Variants in FAM219A observed in about 807,000 individuals in gnomAD.
The protein encoded by FAM219A is protein FAM219A.
Under a neutral mutation model 23.4 loss-of-function variants are expected in FAM219A, and 7 were observed. The observed-to-expected ratio is 0.30, with a 90% CI of 0.17 to 0.56. The LOEUF is 0.56. Among genes scored for constraint, FAM219A ranks in the 20% least tolerant of loss-of-function variants. FAM219A has a pLI of 0.92. For synonymous variants in FAM219A, 93 were observed against 99.0 expected, an observed-to-expected ratio of 0.94 and a Z score of 0.36; for missense variants, 166 against 246.9, an observed-to-expected ratio of 0.67 and a Z score of 2.20.
chr9:34,399,722 G>A lies in FAM219A; in HGVS notation c.*1242C>T, dbSNP rs1009674758. The A allele has an allele frequency of 6.6e-6, 1 of 152,204 alleles. No individual in the cohort carries two copies. The highest frequency in any genetic ancestry group is 1.5e-5 in the Non-Finnish European group (1 of 68,052). 9.4% of individuals were successfully genotyped at this position (152,204 alleles called of 1,614,324 possible). A position where few individuals can be genotyped will look rare whatever the true frequency, so the allele number is the denominator to read the frequency against. ...TTCAGCTGCTGTTCATTTTCTAGTT[G>A]AGGAAACTGAAGACGAGAGAAAGCA... is the stretch of plus-strand genomic sequence containing the variant. On this transcript the variant is annotated 3_prime_UTR_variant, in exon 6 of 6. Coordinates refer to ENST00000651358, the MANE Select transcript of FAM219A (RefSeq NM_001184940.2).
Position 34,417,171 on chromosome 9 carries a change from TGA to T in FAM219A, c.61-11209_61-11208del, listed in dbSNP as rs1822069009. Among the ~76,000 whole-genome samples the T allele has an allele frequency of 6.6e-6, 1 of 151,216 alleles. No individual in the cohort carries two copies. The highest frequency in any genetic ancestry group is 1.5e-5 in the Non-Finnish European group (1 of 67,736). On this transcript the variant is annotated intron_variant, in intron 1 of 5. Transcript: ENST00000651358. This position sits in a 1 kb window ranked among gnomAD's most constrained non-coding sequence, Gnocchi z 4.1. ...ATCTCGGCTCACTGCCTCAGCCTCC[TGA>T]GTACCTGGGATTACAGGCATGCACA...
chr9:34,436,561 T>C (rs1011154054), intron 1 of FAM219A, among the ~76,000 whole-genome samples: 20 of 152,364 alleles, frequency 1.3e-4, no homozygotes, highest in African/African-American at 4.8e-4. Context: ...TAATTTCTTA[T>C]TAAAGAAAGT....
chr9:34,449,186 A>C (rs1823477604), intron 1 of FAM219A, among the ~76,000 whole-genome samples: 1 of 151,972 alleles, frequency 6.6e-6, no homozygotes, highest in Non-Finnish European at 1.5e-5. Context: ...AAAAACAAAA[A>C]TTAGCTGGGC....
At chr9:34,423,704 A>C (rs1305836922) in intron 1 of FAM219A, among the ~76,000 whole-genome samples, 1 of 152,188 alleles carries the variant, frequency 6.6e-6, no homozygotes, top group Non-Finnish European at 1.5e-5. Flanking sequence ...GGAGGCAGGG[A>C]GGCTAGATAA....
At chr9:34,446,725 C>A (rs1364721346) in intron 1 of FAM219A, among the ~76,000 whole-genome samples, 1 of 152,236 alleles carries the variant, frequency 6.6e-6, no homozygotes, top group Non-Finnish European at 1.5e-5. Flanking sequence ...AAAATGCTTT[C>A]TCTGAGACTG....
At chr9:34,410,667 G>T (rs536908207) in intron 1 of FAM219A, among the ~76,000 whole-genome samples, 2 of 152,260 alleles carry the variant, frequency 1.3e-5, no homozygotes, top group South Asian at 4.1e-4. Context: ...TGGCTTGGAT[G>T]GGCTGACCTC....
At chr9:34,411,608 C>T (rs1261941547) in intron 1 of FAM219A, among the ~76,000 whole-genome samples, 7 of 148,084 alleles carry the variant, frequency 4.7e-5, no homozygotes, top group Non-Finnish European at 7.4e-5. Flanking sequence ...ACCCGGGAGG[C>T]GGAGCTTGCA....
Position 34,421,980 on chromosome 9 carries a change from C to A in FAM219A, c.61-16016G>T, listed in dbSNP as rs144348914. Among the ~76,000 whole-genome samples the A allele has an allele frequency of 3.3e-5, 5 of 152,282 alleles. No individual in the cohort carries two copies. The East Asian group carries it at 9.6e-4, about 29-fold the overall frequency. On this transcript the variant is annotated intron_variant, in intron 1 of 5. Transcript: ENST00000651358. ...GTGTGGCTCTAGGCCAGCCTCTCTA[C>A]GCCCACACCATCCCCAGACAGCCTC... is the stretch of plus-strand genomic sequence containing the variant.
At chr9:34,442,316 ATTTG>A (rs1307188400) in intron 1 of FAM219A, among the ~76,000 whole-genome samples, 1 of 152,162 alleles carries the variant, frequency 6.6e-6, no homozygotes. Context: ...TGAACTTTTT[ATTTG>A]TTTTTGTTTT....
rs970567576 is a variant in FAM219A, at chr9:34,457,498, A to C, written c.60+706T>G. The C allele has an allele frequency of 6.6e-6, 1 of 152,594 alleles. No homozygotes were observed. Among genetic ancestry groups the C allele is most frequent in the Non-Finnish European group, 1.5e-5 (1 of 68,266 alleles). The allele number at this position is 152,594 out of a possible 1,614,324, so 9.5% of individuals were successfully genotyped here. On this transcript the variant is annotated intron_variant, in intron 1 of 5. Coordinates refer to ENST00000651358, the MANE Select transcript of FAM219A (RefSeq NM_001184940.2). The surrounding 1 kb of genome is among the most constrained non-coding windows in gnomAD (Gnocchi z 5.1). ...AAGATGATGGGGGCTCTTCCCAACC[A>C]GTGCGCACAGGCAGCTCCAGCGCGA...
intron 2 of FAM219A, among the ~76,000 whole-genome samples, chr9:34,404,761 T>C (rs984070654): frequency 5.3e-5 from 8 of 152,036 alleles, no homozygotes; most frequent in African/African-American, 1.7e-4. Flanking sequence ...ATAAATAAAA[T>C]TGGCTGCAGT....
At chr9:34,405,747 G>C in intron 2 of FAM219A, 118 bp downstream of exon 2, 1 of 996,190 alleles carries the variant, frequency 1.0e-6, no homozygotes, top group Non-Finnish European at 1.5e-6. Flanking sequence ...ATGACTTGAA[G>C]GCTTGAGTCT....
chr9:34,439,018 G>A (rs1823054118), intron 1 of FAM219A, among the ~76,000 whole-genome samples: 1 of 151,552 alleles, frequency 6.6e-6, no homozygotes, highest in Non-Finnish European at 1.5e-5. Flanking sequence ...GAGCCCACCG[G>A]GAGGAACGAA....
At chr9:34,436,255 G>T (rs913796051) in intron 1 of FAM219A, among the ~76,000 whole-genome samples, 9 of 150,676 alleles carry the variant, frequency 6.0e-5, no homozygotes, top group East Asian at 1.9e-4. Flanking sequence ...ATTTTTTTGG[G>T]TTTTTTTTGA....
intron 1 of FAM219A, among the ~76,000 whole-genome samples, chr9:34,415,438 GC>G (rs1017667256): frequency 1.2e-4 from 19 of 152,210 alleles, no homozygotes; most frequent in African/African-American, 4.1e-4. Flanking sequence ...GGGTGCTACT[GC>G]CCCCAGGCCT....
chr9:34,401,994 T>C (rs1003838493), intron 4 of FAM219A, among the ~76,000 whole-genome samples: 1 of 149,576 alleles, frequency 6.7e-6, no homozygotes, highest in African/African-American at 2.5e-5. Context: ...TTTTGTAGAC[T>C]CAAATCACCC....
At position 34,399,387 on chromosome 9, in the gene FAM219A, C is replaced by G. The variant is rs899748129; in HGVS notation, c.*1577G>C. 6.6e-6 allele frequency: 1 copy of G among 152,356 alleles called. No homozygotes were observed. The highest frequency in any genetic ancestry group is 2.4e-5 in the African/African-American group (1 of 41,402). 9.4% of individuals were successfully genotyped at this position (152,356 alleles called of 1,614,324 possible). A position where few individuals can be genotyped will look rare whatever the true frequency, so the allele number is the denominator to read the frequency against. On this transcript the variant is annotated 3_prime_UTR_variant, in exon 6 of 6. Transcript: ENST00000651358. ...GTCTCAGCTTTCCAGTCCCCTCCCC[C>G]AAACCAGCAATAGCAGAAGCAGCTG...
chr9:34,443,304 C>T (rs766327904), intron 1 of FAM219A, among the ~76,000 whole-genome samples: 12 of 152,172 alleles, frequency 7.9e-5, no homozygotes, highest in Non-Finnish European at 1.5e-4. Context: ...AAGGCCCACT[C>T]TGCTAACAGA....
intron 1 of FAM219A, among the ~76,000 whole-genome samples, chr9:34,431,205 T>C (rs571955646): frequency 1.3e-5 from 2 of 152,274 alleles, no homozygotes; most frequent in East Asian, 3.9e-4. Flanking sequence ...TCTTGGTGTG[T>C]GTGTGAAAAA....
Sources: allele counts gnomAD v4.1 joint callset (sites outside exome capture counted in the v4.1 genomes callset), GRCh38; gene constraint gnomAD v4.1.1; non-coding constraint Gnocchi (gnomAD v3.1); transcripts MANE v1.5; gene names NCBI Gene and HGNC (gene_info 2026-07-23, HGNC 2026-07-21).